Variants in SLAIN1 observed in about 807,000 individuals in gnomAD.
The protein encoded by SLAIN1 is SLAIN family member 1, also known as SLAIN motif-containing protein 1.
Under a neutral mutation model 55.4 loss-of-function variants are expected in SLAIN1, and 17 were observed. The ratio of observed to expected loss-of-function variants is 0.31; its 90% confidence interval spans 0.21 to 0.46. The LOEUF is 0.46. Among genes scored for constraint, SLAIN1 ranks in the 20% least tolerant of loss-of-function variants. SLAIN1 has a pLI of 1.00. For missense variants in SLAIN1, 682 were observed against 785.1 expected, an observed-to-expected ratio of 0.87 and a Z score of 1.57; for synonymous variants, 348 against 337.4, an observed-to-expected ratio of 1.03 and a Z score of -0.35.
chr13:77,703,511 A>G (rs756273617), intron 1 of SLAIN1, among the ~76,000 whole-genome samples: 1 of 152,154 alleles, frequency 6.6e-6, no homozygotes, highest in Non-Finnish European at 1.5e-5. Flanking sequence ...ACTGAAGTGT[A>G]TGACGTGTGT....
At chr13:77,714,069 G>A (rs1317208374) in intron 1 of SLAIN1, among the ~76,000 whole-genome samples, 1 of 152,086 alleles carries the variant, frequency 6.6e-6, no homozygotes, top group East Asian at 1.9e-4. Flanking sequence ...AATGCCTAAC[G>A]TAGATGACAG....
intron 2 of SLAIN1, among the ~76,000 whole-genome samples, chr13:77,727,872 C>A (rs2091322729): frequency 1.3e-5 from 2 of 152,110 alleles, no homozygotes; most frequent in Admixed American, 1.3e-4. Flanking sequence ...TATACAGAAA[C>A]ATTCCTAATG....
At chr13:77,730,115 G>A (rs189006225) in intron 2 of SLAIN1, among the ~76,000 whole-genome samples, 241 of 152,308 alleles carry the variant, frequency 1.6e-3, no homozygotes, top group Admixed American at 3.5e-3. Context: ...GCAGGCTGTT[G>A]TGGTTGGGGT....
At chr13:77,748,091 C>A (rs1048557148) in intron 4 of SLAIN1, among the ~76,000 whole-genome samples, 2 of 151,978 alleles carry the variant, frequency 1.3e-5, no homozygotes, top group African/African-American at 4.8e-5. Flanking sequence ...ATTTATAGGC[C>A]AAATATAAAT....
chr13:77,742,217 A>G (rs968549944), intron 2 of SLAIN1, among the ~76,000 whole-genome samples: 4 of 152,126 alleles, frequency 2.6e-5, no homozygotes, highest in African/African-American at 9.6e-5. Context: ...GGCTGGTGTA[A>G]TTCCTTTTTG....
intron 1 of SLAIN1, among the ~76,000 whole-genome samples, chr13:77,699,778 C>A (rs1338782244): frequency 2.0e-4 from 30 of 152,096 alleles, no homozygotes; most frequent in Non-Finnish European, 1.5e-5. Context: ...GCAGGTAGCT[C>A]AAGGTGTAAA....
intron 5 of SLAIN1, among the ~76,000 whole-genome samples, chr13:77,756,295 T>C (rs1874601537): frequency 2.6e-5 from 4 of 152,098 alleles, no homozygotes; most frequent in Admixed American, 2.0e-4. Context: ...ACTCTGCAGA[T>C]CAATTTTTGG....
chr13:77,729,286 T>C (rs1409610241), intron 2 of SLAIN1, among the ~76,000 whole-genome samples: 2 of 152,220 alleles, frequency 1.3e-5, no homozygotes, highest in African/African-American at 2.4e-5. Flanking sequence ...TGTTTTTTTT[T>C]CCTTTGGTTT....
chr13:77,723,608 GGGT>G (rs2091281551), intron 2 of SLAIN1, among the ~76,000 whole-genome samples: 1 of 151,998 alleles, frequency 6.6e-6, no homozygotes, highest in African/African-American at 2.4e-5. Context: ...TTTAGCTTCG[GGGT>G]TGCTGTTGAA....
At chr13:77,704,154 G>T (rs370041500) in intron 1 of SLAIN1, among the ~76,000 whole-genome samples, 2 of 750 alleles carry the variant, frequency 2.7e-3, no homozygotes, top group Admixed American at 0.05. Context: ...TATATACATA[G>T]AAAATATATA....
chr13:77,730,651 T>C (rs1385956245), intron 2 of SLAIN1, among the ~76,000 whole-genome samples: 1 of 152,174 alleles, frequency 6.6e-6, no homozygotes, highest in Non-Finnish European at 1.5e-5. Context: ...CTTGTCAATT[T>C]GTGAGTTTAA....
At chr13:77,750,774 C>T (rs1005149688) in intron 4 of SLAIN1, among the ~76,000 whole-genome samples, 5 of 152,094 alleles carry the variant, frequency 3.3e-5, no homozygotes, top group Admixed American at 1.3e-4. Context: ...GTAGATACTT[C>T]CAGCTGGGAA....
At chr13:77,745,700 T>A (rs1156420391) in intron 3 of SLAIN1, among the ~76,000 whole-genome samples, 1 of 152,130 alleles carries the variant, frequency 6.6e-6, no homozygotes, top group Non-Finnish European at 1.5e-5. Flanking sequence ...AGAAACATGG[T>A]AATGCTTATG....
chr13:77,746,883 A>G, intron 4 of SLAIN1, 28 bp downstream of exon 4: 2 of 1,541,678 alleles, frequency 1.3e-6, no homozygotes, highest in South Asian at 1.2e-5. Context: ...TTGGTATTTG[A>G]TATGCTTTAA....
intron 2 of SLAIN1, among the ~76,000 whole-genome samples, chr13:77,731,990 G>T (rs1872890228): frequency 6.6e-6 from 1 of 152,060 alleles, no homozygotes; most frequent in Non-Finnish European, 1.5e-5. Flanking sequence ...GTTGTTTTGT[G>T]TGCAGGTATT....
chr13:77,698,933 G>A lies in SLAIN1; in HGVS notation c.626+394G>A. On this transcript the variant is annotated intron_variant, in intron 1 of 6. Coordinates refer to ENST00000418532, the MANE Select transcript of SLAIN1 (RefSeq NM_001242868.2). This position sits in a 1 kb window ranked among gnomAD's most constrained non-coding sequence, Gnocchi z 4.1. ...GGAGGGATGACGGGGGATGGTAGGG[G>A]TTGGCCTCTGTCTGCGACTGTTACT... is the stretch of plus-strand genomic sequence containing the variant. The A allele has an allele frequency of 1.3e-6, 2 of 1,533,988 alleles. No homozygotes were observed.
intron 2 of SLAIN1, among the ~76,000 whole-genome samples, chr13:77,737,793 A>G (rs1430736831): frequency 2.6e-5 from 4 of 151,494 alleles, no homozygotes; most frequent in Non-Finnish European, 1.5e-5. Flanking sequence ...TACTGCACTT[A>G]CAATATGACA....
At chr13:77,711,844 G>A (rs933704090) in intron 1 of SLAIN1, among the ~76,000 whole-genome samples, 5 of 152,076 alleles carry the variant, frequency 3.3e-5, no homozygotes, top group Non-Finnish European at 7.4e-5. Flanking sequence ...CTGGCAAATC[G>A]AATCCAACAG....
intron 2 of SLAIN1, among the ~76,000 whole-genome samples, chr13:77,722,773 AT>A (rs1471245957): frequency 2.0e-5 from 3 of 152,122 alleles, no homozygotes; most frequent in Non-Finnish European, 4.4e-5. Context: ...TTTGAGACAG[AT>A]TCTTGCTCTG....
Sources: gnomAD v4.1 joint callset for allele counts (sites outside exome capture counted in the v4.1 genomes callset) on GRCh38, gnomAD v4.1.1 for gene constraint, Gnocchi (gnomAD v3.1) non-coding constraint, MANE v1.5 for transcripts, NCBI Gene and HGNC (gene_info 2026-07-23, HGNC 2026-07-21) for gene names.